PTPRK: variants seen among roughly 807,000 people sequenced by gnomAD.
PTPRK encodes receptor-type tyrosine-protein phosphatase kappa.
In PTPRK, 75 loss-of-function variants were observed where a neutral mutation model predicts 178.0. The observed-to-expected ratio is 0.42, with a 90% CI of 0.35 to 0.51. The LOEUF (loss-of-function observed/expected upper bound fraction) is 0.51. Ranked by LOEUF, PTPRK falls within the 20% of genes least tolerant of loss-of-function variation. The pLI is 0.02. For synonymous variants in PTPRK, 637 were observed against 620.6 expected (o/e 1.03, Z -0.39); for missense variants, 1,441 against 1,797.8 (o/e 0.80, Z 3.59).
At chr6:128,479,379 G>T (rs778110488) in intron 1 of PTPRK, among the ~76,000 whole-genome samples, 5 of 152,038 alleles carry the variant, frequency 3.3e-5, no homozygotes, top group Non-Finnish European at 5.9e-5. Context: ...CTTGCTTTAA[G>T]CCGTATGAAC....
intron 1 of PTPRK, among the ~76,000 whole-genome samples, chr6:128,456,600 A>G (rs773913171): frequency 3.3e-5 from 5 of 152,160 alleles, no homozygotes; most frequent in Non-Finnish European, 5.9e-5. Flanking sequence ...TATAATTACC[A>G]TATTCTAAAC....
intron 13 of PTPRK, among the ~76,000 whole-genome samples, chr6:128,050,139 G>GA (rs59066990): frequency 3.7e-4 from 54 of 144,740 alleles, no homozygotes; most frequent in South Asian, 6.6e-4. Context: ...TCCGCCTCAA[G>GA]AAAAAAAAAA....
intron 1 of PTPRK, among the ~76,000 whole-genome samples, chr6:128,402,334 A>G (rs959870936): frequency 1.3e-5 from 2 of 152,082 alleles, no homozygotes; most frequent in South Asian, 2.1e-4. Context: ...CTCGGCTCAC[A>G]GCAACCTCTG....
intron 6 of PTPRK, among the ~76,000 whole-genome samples, chr6:128,207,104 C>T (rs769400209): frequency 2.2e-4 from 34 of 152,128 alleles, no homozygotes; most frequent in African/African-American, 6.5e-4. Flanking sequence ...ATGGTGTGCT[C>T]GGGCTCAAGG....
At chr6:128,210,821 T>A (rs531507589) in intron 6 of PTPRK, among the ~76,000 whole-genome samples, 12 of 152,168 alleles carry the variant, frequency 7.9e-5, no homozygotes, top group African/African-American at 2.9e-4. Context: ...CAATCAGCAA[T>A]ACGTAAATAA....
intron 1 of PTPRK, among the ~76,000 whole-genome samples, chr6:128,505,996 A>C (rs1231579422): frequency 1.3e-5 from 2 of 152,304 alleles, no homozygotes; most frequent in East Asian, 3.9e-4. Context: ...ATAGCTAGGC[A>C]ACCTCCAAAA....
chr6:128,298,377 T>G (rs552570254), intron 3 of PTPRK, among the ~76,000 whole-genome samples: 1 of 151,532 alleles, frequency 6.6e-6, no homozygotes, highest in Non-Finnish European at 1.5e-5. Context: ...TAGCTCATTT[T>G]ATGAGGCCAG....
chr6:128,194,322 G>A (rs1377072071), intron 6 of PTPRK, among the ~76,000 whole-genome samples: 9 of 151,798 alleles, frequency 5.9e-5, no homozygotes, highest in Non-Finnish European at 1.3e-4. Context: ...TCCTGACCTC[G>A]TGATCCACCC....
chr6:128,012,249 T>A (rs1583638624), intron 13 of PTPRK, among the ~76,000 whole-genome samples: 1 of 150,954 alleles, frequency 6.6e-6, no homozygotes, highest in African/African-American at 2.4e-5. Flanking sequence ...AGTTTGGATA[T>A]TTTAATCACA....
intron 2 of PTPRK, among the ~76,000 whole-genome samples, chr6:128,331,111 G>A (rs1830215139): frequency 6.6e-6 from 1 of 151,916 alleles, no homozygotes; most frequent in Non-Finnish European, 1.5e-5. Flanking sequence ...GAATTTATTT[G>A]TTTACTTAAT....
chr6:128,201,091 A>AAAAGAGGATAGGCTAT (rs1805856688), intron 6 of PTPRK, among the ~76,000 whole-genome samples: 1 of 152,174 alleles, frequency 6.6e-6, no homozygotes, highest in Non-Finnish European at 1.5e-5. Flanking sequence ...ACTAAGCACT[A>AAAAGAGGATAGGCTAT]TGACTTTAAA....
chr6:127,998,998 A>T (rs936113515), intron 15 of PTPRK, 94 bp from the exon 16 acceptor site: 1 of 1,063,794 alleles, frequency 9.4e-7, no homozygotes, highest in Non-Finnish European at 1.3e-6. Context: ...AGACCTTAAG[A>T]TCTTTCTGAT....
chr6:128,137,728 G>A (rs1056400461), intron 7 of PTPRK, among the ~76,000 whole-genome samples: 2 of 151,926 alleles, frequency 1.3e-5, no homozygotes, highest in Non-Finnish European at 2.9e-5. Flanking sequence ...AGTAATGGGA[G>A]GCTCATAATC....
Position 128,342,461 on chromosome 6 carries a change from G to A in PTPRK, c.224-20151C>T, listed in dbSNP as rs116479389. On this transcript the variant is annotated intron_variant, in intron 2 of 29. Transcript: ENST00000368226. ...TCTACAAAAAATTATGAATGGAGATGGTCAATTGTAATTGCCTACTAAGCC... is the reference window on the plus strand; with the variant it reads ...TCTACAAAAAATTATGAATGGAGATAGTCAATTGTAATTGCCTACTAAGCC... Among the ~76,000 whole-genome samples, 1,464 of 151,994 alleles carry A rather than the reference G, an allele frequency of 9.6e-3. 24 individuals are homozygous for A. Among genetic ancestry groups the A allele is most frequent in the African/African-American group, 0.033 (1,376 of 41,408 alleles).
intron 7 of PTPRK, among the ~76,000 whole-genome samples, chr6:128,182,614 T>C (rs568167738): frequency 6.6e-5 from 10 of 152,232 alleles, no homozygotes; most frequent in East Asian, 1.9e-4. Flanking sequence ...CCCTCTCACA[T>C]AGATAGGGCT....
At chr6:128,402,083 T>C (rs1841093555) in intron 1 of PTPRK, among the ~76,000 whole-genome samples, 2 of 152,270 alleles carry the variant, frequency 1.3e-5, no homozygotes, top group South Asian at 4.1e-4. Context: ...AATTTGTTGA[T>C]ATGATCTACA....
Position 128,242,597 on chromosome 6 carries a change from T to C in PTPRK, c.501A>G (p.Ile167Met). 2 of 1,612,138 alleles carry C rather than the reference T, an allele frequency of 1.2e-6. No homozygotes were observed. Among genetic ancestry groups the C allele is most frequent in the Non-Finnish European group, 1.7e-6 (2 of 1,179,368 alleles). Residue 167 changes from isoleucine (I) to methionine (M), a missense_variant, in exon 4 of 30, where the codon ATA becomes ATG. Physicochemically the swap from Ile to Met is conservative, Grantham distance 10. Coordinates refer to ENST00000368226, the MANE Select transcript of PTPRK (RefSeq NM_002844.4). Reference protein sequence around the residue: ...STFWPNEYQVIFEAEVSGGRS... With the variant: ...STFWPNEYQVMFEAEVSGGRS... ...TCCCTCCTGAGACTTCAGCTTCAAA[T>C]ATTACCTGTCAAAAAGAAACAGAAA...
chr6:128,216,253 A>G (rs1250913909), intron 6 of PTPRK, among the ~76,000 whole-genome samples: 1 of 152,090 alleles, frequency 6.6e-6, no homozygotes, highest in Non-Finnish European at 1.5e-5. Context: ...AAGGAAAAAT[A>G]AGGCCGGGAG....
rs1554271884 is a variant in PTPRK at position 128,464,645 on chromosome 6, A to ATATATATG, written c.100+55613_100+55614insCATATATA. On this transcript the variant is annotated intron_variant, in intron 1 of 29. Coordinates refer to ENST00000368226, the MANE Select transcript of PTPRK (RefSeq NM_002844.4). Reference sequence around the variant, plus strand: ...CATATATATATATATACACATATATATATATATATATATATATATATATAT... The same window carrying ATATATATG: ...CATATATATATATATACACATATATATATATATGTATATATATATATATATATATATAT... Among the ~76,000 whole-genome samples, 65 of 86,964 alleles carry ATATATATG rather than the reference A, an allele frequency of 7.5e-4. 1 individual carries two copies. The highest frequency in any genetic ancestry group is 3.5e-3 in the African/African-American group (64 of 18,034). 57.1% of individuals were successfully genotyped at this position (86,964 alleles called of 152,430 possible).
Sources: allele counts gnomAD v4.1 joint callset (sites outside exome capture counted in the v4.1 genomes callset), GRCh38; gene constraint gnomAD v4.1.1; transcripts MANE v1.5; gene names NCBI Gene and HGNC (gene_info 2026-07-23, HGNC 2026-07-21).